The following RBFOX2 variants were observed in gnomAD, a reference collection of about 807,000 sequenced individuals.
RBFOX2 encodes the protein RNA binding protein fox-1 homolog 2.
In RBFOX2, 10 loss-of-function variants were observed where a neutral mutation model predicts 49.1. That is an observed-to-expected ratio of 0.20 (90% CI 0.13 to 0.35). The LOEUF (loss-of-function observed/expected upper bound fraction) is 0.35. Among genes scored for constraint, RBFOX2 ranks in the 10% least tolerant of loss-of-function variants. The probability of loss-of-function intolerance (pLI) is 1.00; values close to 1 mark genes in which losing one functional copy is unlikely to be tolerated. For missense variants in RBFOX2, 323 were observed against 486.9 expected (o/e 0.66, Z 3.17); for synonymous variants, 183 against 187.4 (o/e 0.98, Z 0.19).
intron 1 of RBFOX2, among the ~76,000 whole-genome samples, chr22:35,850,951 G>A (rs2041869468): frequency 6.6e-6 from 1 of 152,180 alleles, no homozygotes; most frequent in Admixed American, 6.5e-5. Context: ...ATAAGTTTCA[G>A]GGGCTATGAC....
intron 4 of RBFOX2, among the ~76,000 whole-genome samples, chr22:35,769,520 G>A (rs1602428356): frequency 6.6e-6 from 1 of 152,052 alleles, no homozygotes; most frequent in South Asian, 2.1e-4. Flanking sequence ...TGTCCTTATC[G>A]TTCTACTCTG....
At chr22:35,965,820 G>A (rs1468099088), upstream of RBFOX2, among the ~76,000 whole-genome samples, 1 of 152,102 alleles carries the variant, frequency 6.6e-6, no homozygotes, top group African/African-American at 2.4e-5. Flanking sequence ...TGTGTATGAA[G>A]GGAAAGCTAT....
intron 1 of RBFOX2, chr22:35,998,866 G>C (rs909817516): frequency 6.5e-6 from 1 of 152,864 alleles, no homozygotes; most frequent in African/African-American, 2.4e-5. Flanking sequence ...AAGTCTATCA[G>C]TAACATAGCT....
chr22:35,763,329 A>C (rs1317854103), intron 6 of RBFOX2, among the ~76,000 whole-genome samples: 2 of 152,208 alleles, frequency 1.3e-5, no homozygotes, highest in Non-Finnish European at 2.9e-5. Flanking sequence ...TGGGAGGCTG[A>C]GGCGGAGGGA....
intron 1 of RBFOX2, among the ~76,000 whole-genome samples, chr22:35,972,363 T>C (rs2056924322): frequency 6.6e-6 from 1 of 152,028 alleles, no homozygotes; most frequent in Non-Finnish European, 1.5e-5. Context: ...GAAAAATATG[T>C]TTCCATTCAC....
intron 1 of RBFOX2, among the ~76,000 whole-genome samples, chr22:36,016,064 G>C (rs2059022053): frequency 6.6e-6 from 1 of 152,140 alleles, no homozygotes; most frequent in Admixed American, 6.5e-5. Context: ...ACGTCCTCCT[G>C]TCTCAGAACA....
chr22:35,841,200 C>T (rs904980029), upstream of RBFOX2, among the ~76,000 whole-genome samples: 22 of 152,158 alleles, frequency 1.4e-4, no homozygotes, highest in Admixed American at 6.5e-4. Context: ...TGAAAATTCA[C>T]CTTTTGTTTT....
chr22:35,976,067 T>C (rs1444698930), intron 1 of RBFOX2, among the ~76,000 whole-genome samples: 5 of 152,210 alleles, frequency 3.3e-5, no homozygotes, highest in Non-Finnish European at 5.9e-5. Context: ...AAGTCCTAAC[T>C]CTGCCACTTC....
chr22:35,767,221 G>C (rs1941263716), intron 5 of RBFOX2, among the ~76,000 whole-genome samples: 1 of 152,122 alleles, frequency 6.6e-6, no homozygotes, highest in South Asian at 2.1e-4. Flanking sequence ...GAAAATAAAA[G>C]GGGGAAAGGA....
intron 5 of RBFOX2, among the ~76,000 whole-genome samples, chr22:35,766,578 G>A (rs1239095369): frequency 1.3e-5 from 2 of 151,876 alleles, no homozygotes; most frequent in Non-Finnish European, 1.5e-5. Flanking sequence ...CTCTAGCTTC[G>A]CCCACCAAAT....
At chr22:36,028,769 C>T (rs1310188944) in exon 1 of RBFOX2, among the ~76,000 whole-genome samples, 2 of 151,928 alleles carry the variant, frequency 1.3e-5, no homozygotes, top group African/African-American at 4.8e-5. Flanking sequence ...CCACCGGCCG[C>T]GCTGGCTCAC....
intron 1 of RBFOX2, among the ~76,000 whole-genome samples, chr22:35,959,364 T>C (rs1402955218): frequency 1.3e-5 from 2 of 152,186 alleles, no homozygotes; most frequent in Non-Finnish European, 2.9e-5. Context: ...AGAAAAGCAT[T>C]TACCCCTAGG....
intron 1 of RBFOX2, among the ~76,000 whole-genome samples, chr22:35,982,937 CTCTT>C (rs1026512642): frequency 2.0e-5 from 3 of 152,098 alleles, no homozygotes; most frequent in South Asian, 2.1e-4. Flanking sequence ...TTCAGGACTC[CTCTT>C]TCTTTGACAG....
At chr22:35,845,884 C>T (rs1001270103) in intron 1 of RBFOX2, among the ~76,000 whole-genome samples, 3 of 152,098 alleles carry the variant, frequency 2.0e-5, no homozygotes, top group African/African-American at 7.2e-5. Flanking sequence ...TTGTTCACCA[C>T]TAATATCCCT....
intron 2 of RBFOX2, among the ~76,000 whole-genome samples, chr22:35,802,157 G>C (rs1949904241): frequency 6.6e-6 from 1 of 151,998 alleles, no homozygotes; most frequent in African/African-American, 2.4e-5. Flanking sequence ...TTACATTAAG[G>C]AACAGAACTT....
chr22:35,972,104 A>C (rs1484771475), intron 1 of RBFOX2, among the ~76,000 whole-genome samples: 1 of 152,040 alleles, frequency 6.6e-6, no homozygotes, highest in Non-Finnish European at 1.5e-5. Flanking sequence ...AAGCATTCAG[A>C]GAGCTAGCAT....
chr22:35,898,389 G>A, intron 1 of RBFOX2: 1 of 534,954 alleles, frequency 1.9e-6, no homozygotes, highest in South Asian at 2.0e-5. Flanking sequence ...ACCCGGGATT[G>A]TGCAGCGGCC....
chr22:36,001,231 ACACT>A (rs1305157367), intron 1 of RBFOX2, among the ~76,000 whole-genome samples: 15 of 102,936 alleles, frequency 1.5e-4, no homozygotes, highest in Middle Eastern at 4.6e-3. Flanking sequence ...ACACACACAC[ACACT>A]ATATGTATAT....
upstream of RBFOX2, among the ~76,000 whole-genome samples, chr22:35,965,422 T>C (rs771342543): frequency 1.9e-4 from 29 of 152,130 alleles, no homozygotes; most frequent in Non-Finnish European, 4.0e-4. Context: ...AAATTAATAT[T>C]ATGGAGATTT....
Sources: allele counts gnomAD v4.1 joint callset (sites outside exome capture counted in the v4.1 genomes callset), GRCh38; gene constraint gnomAD v4.1.1; transcripts MANE v1.5; gene names NCBI Gene and HGNC (gene_info 2026-07-23, HGNC 2026-07-21).